Variants in JAZF1 observed in about 807,000 individuals in gnomAD.
JAZF1 encodes JAZF zinc finger 1.
JAZF1 carries 8 observed loss-of-function variants against 26.4 expected under a neutral mutation model. The observed-to-expected ratio is 0.30, with a 90% CI of 0.18 to 0.55. JAZF1 has a LOEUF of 0.55. JAZF1 is among the 20% of genes least tolerant of loss of function. The probability of loss-of-function intolerance (pLI) is 0.94; values close to 1 mark genes in which losing one functional copy is unlikely to be tolerated. For synonymous variants in JAZF1, 126 were observed against 122.3 expected, an observed-to-expected ratio of 1.03 and a Z score of -0.20; for missense variants, 199 against 322.0, an observed-to-expected ratio of 0.62 and a Z score of 2.92.
chr7:28,177,671 A>C (rs1265046215), intron 1 of JAZF1, among the ~76,000 whole-genome samples: 2 of 152,190 alleles, frequency 1.3e-5, no homozygotes, highest in African/African-American at 2.4e-5. Flanking sequence ...TATTCTTTTC[A>C]TGAATCTTTT....
intron 2 of JAZF1, among the ~76,000 whole-genome samples, chr7:27,970,903 C>T (rs1351642952): frequency 1.3e-5 from 2 of 152,176 alleles, no homozygotes; most frequent in African/African-American, 4.8e-5. Flanking sequence ...TTCACAAGTT[C>T]GCCAAAGGGC....
At chr7:28,105,258 A>G (rs1583562718) in intron 1 of JAZF1, among the ~76,000 whole-genome samples, 1 of 152,222 alleles carries the variant, frequency 6.6e-6, no homozygotes, top group East Asian at 1.9e-4. Context: ...TCTTGGTTAG[A>G]AATAGTTGTT....
rs111761099 is a variant in JAZF1, at chr7:28,174,048, C to A, written c.115+6415G>T. Among the ~76,000 whole-genome samples, 560 of 152,190 alleles carry A rather than the reference C, an allele frequency of 3.7e-3. 1 individual carries two copies. Among genetic ancestry groups the A allele is most frequent in the Middle Eastern group, 0.01 (3 of 294 alleles). On this transcript the variant is annotated intron_variant, in intron 1 of 4. Transcript: ENST00000283928. ...ATTTCTGACATCTATGGTTTCCTAT[C>A]TTCAGATTCTAAATAAATAACATTT...
At chr7:28,041,768 G>C (rs1783396429) in intron 1 of JAZF1, among the ~76,000 whole-genome samples, 1 of 152,272 alleles carries the variant, frequency 6.6e-6, no homozygotes. Context: ...GCAGCTGTCT[G>C]AGATACTCAT....
chr7:28,003,011 C>T (rs956992957), intron 1 of JAZF1, among the ~76,000 whole-genome samples: 9 of 152,146 alleles, frequency 5.9e-5, no homozygotes, highest in African/African-American at 2.2e-4. Flanking sequence ...CTATACTACT[C>T]TTGAACTGAG....
At chr7:27,909,002 T>TC (rs1554274815) in intron 2 of JAZF1, among the ~76,000 whole-genome samples, 10 of 151,052 alleles carry the variant, frequency 6.6e-5, no homozygotes, top group Admixed American at 2.0e-4. Context: ...ACTTGAATAA[T>TC]ATTCATTCAT....
At chr7:27,966,155 T>C (rs1210267680) in intron 2 of JAZF1, among the ~76,000 whole-genome samples, 1 of 152,184 alleles carries the variant, frequency 6.6e-6, no homozygotes, top group Non-Finnish European at 1.5e-5. Context: ...ACCCAACACA[T>C]TAACACTACA....
intron 2 of JAZF1, among the ~76,000 whole-genome samples, chr7:27,935,477 T>A (rs115673767): frequency 1.9e-3 from 284 of 152,294 alleles, no homozygotes; most frequent in African/African-American, 6.7e-3. Flanking sequence ...TCCACGTGTA[T>A]GAAATCCAGA....
intron 3 of JAZF1, among the ~76,000 whole-genome samples, chr7:27,866,869 G>C (rs1249343947): frequency 6.6e-6 from 1 of 152,214 alleles, no homozygotes; most frequent in Non-Finnish European, 1.5e-5. Context: ...AAGACACGCT[G>C]TCTCTCTGGC....
At chr7:27,905,435 CTTTT>C (rs55972060) in intron 2 of JAZF1, among the ~76,000 whole-genome samples, 2 of 144,542 alleles carry the variant, frequency 1.4e-5, no homozygotes, top group Admixed American at 6.9e-5. Context: ...TTCTTTCTTT[CTTTT>C]TTTTTTTTGT....
At chr7:28,016,008 G>A (rs1314491381) in intron 1 of JAZF1, among the ~76,000 whole-genome samples, 1 of 152,154 alleles carries the variant, frequency 6.6e-6, no homozygotes, top group Non-Finnish European at 1.5e-5. Context: ...TCCTCTAACA[G>A]TAGCTGCTCC....
intron 2 of JAZF1, among the ~76,000 whole-genome samples, chr7:27,898,077 T>G (rs1421627349): frequency 2.0e-5 from 3 of 152,146 alleles, no homozygotes; most frequent in African/African-American, 4.8e-5. Context: ...CTCTATATTT[T>G]GTCCACCTTA....
intron 2 of JAZF1, among the ~76,000 whole-genome samples, chr7:27,919,352 A>C (rs886656681): frequency 4.6e-5 from 7 of 152,220 alleles, no homozygotes; most frequent in African/African-American, 1.7e-4. Context: ...ATAGAAACTA[A>C]AATGGGAAAA....
chr7:28,096,130 G>A (rs1398217127), intron 1 of JAZF1, among the ~76,000 whole-genome samples: 1 of 152,236 alleles, frequency 6.6e-6, no homozygotes, highest in Non-Finnish European at 1.5e-5. Context: ...CTAAAAGGGA[G>A]AGGGATAAGC....
At chr7:28,014,773 C>G (rs1782856348) in intron 1 of JAZF1, among the ~76,000 whole-genome samples, 2 of 152,164 alleles carry the variant, frequency 1.3e-5, no homozygotes, top group African/African-American at 4.8e-5. Context: ...CGGAATGTCT[C>G]TCTACTCTGG....
intron 1 of JAZF1, among the ~76,000 whole-genome samples, chr7:28,170,862 C>G (rs758622435): frequency 6.6e-6 from 1 of 152,204 alleles, no homozygotes; most frequent in African/African-American, 2.4e-5. Context: ...GCAAAGCCGG[C>G]CCTGGCTACC....
chr7:28,018,900 G>A (rs1782948356), intron 1 of JAZF1, among the ~76,000 whole-genome samples: 1 of 152,140 alleles, frequency 6.6e-6, no homozygotes, highest in Admixed American at 6.5e-5. Context: ...TGGTTCAGTT[G>A]GAGTCTGTCC....
chr7:27,832,944 A>C lies in JAZF1; in HGVS notation c.588T>G (p.Asn196Lys). Reference sequence around the variant, plus strand: ...GGACACGAATCTGTGTTCTGTGACCATTCTTAGCGTGATACTTTATGCCAT... The same window carrying C: ...GGACACGAATCTGTGTTCTGTGACCCTTCTTAGCGTGATACTTTATGCCAT... The part of the protein sequence containing the change: ...NVNGIKYHAK[N>K]GHRTQIRVRK... The change falls in exon 5 of 5, where the codon AAT becomes AAG. Residue 196 changes from asparagine (N) to lysine (K), a missense_variant. By Grantham distance (94) the Asn-to-Lys change is moderately conservative (BLOSUM62 0). Coordinates refer to ENST00000283928, the MANE Select transcript of JAZF1 (RefSeq NM_175061.4). 6.2e-7 allele frequency: 1 copy of C among 1,606,422 alleles called. No individual in the cohort carries two copies.
intron 2 of JAZF1, among the ~76,000 whole-genome samples, chr7:27,914,117 G>A (rs966835627): frequency 6.6e-5 from 10 of 152,152 alleles, no homozygotes; most frequent in African/African-American, 1.7e-4. Flanking sequence ...GGAGAGAACC[G>A]CCTGCTATCT....
Sources: gnomAD v4.1 joint callset for allele counts (sites outside exome capture counted in the v4.1 genomes callset) on GRCh38, gnomAD v4.1.1 for gene constraint, MANE v1.5 for transcripts, NCBI Gene and HGNC (gene_info 2026-07-23, HGNC 2026-07-21) for gene names.